The following EXOC6B variants were observed in gnomAD, a reference collection of about 807,000 sequenced individuals.
EXOC6B encodes exocyst complex component 6B, also known as SEC15 homolog B.
EXOC6B carries 54 observed loss-of-function variants against 113.5 expected under a neutral mutation model. That is an observed-to-expected ratio of 0.48 (90% confidence interval 0.38 to 0.60). EXOC6B has a LOEUF of 0.60. EXOC6B is among the 20% of genes least tolerant of loss of function. EXOC6B has a pLI of 0.00. For synonymous variants in EXOC6B, 357 were observed against 339.0 expected (o/e 1.05, Z -0.58); for missense variants, 797 against 977.5 (o/e 0.82, Z 2.46).
intron 18 of EXOC6B, among the ~76,000 whole-genome samples, chr2:72,397,695 A>C (rs1692835858): frequency 6.7e-6 from 1 of 149,098 alleles, no homozygotes; most frequent in South Asian, 2.1e-4. Flanking sequence ...CAAGGCATTG[A>C]ACTTGGTTAT....
At chr2:72,204,281 C>A (rs1679687248) in intron 20 of EXOC6B, among the ~76,000 whole-genome samples, 1 of 152,094 alleles carries the variant, frequency 6.6e-6, no homozygotes, top group African/African-American at 2.4e-5. Context: ...TGTATCAGAG[C>A]AAACACCTCT....
At chr2:72,189,329 T>C (rs1323636660) in intron 20 of EXOC6B, among the ~76,000 whole-genome samples, 1 of 152,208 alleles carries the variant, frequency 6.6e-6, no homozygotes, top group African/African-American at 2.4e-5. Context: ...TCTTGTAAGA[T>C]TCAAGACTGA....
At chr2:72,598,260 T>C (rs1317388417) in intron 6 of EXOC6B, among the ~76,000 whole-genome samples, 1 of 151,630 alleles carries the variant, frequency 6.6e-6, no homozygotes, top group Non-Finnish European at 1.5e-5. Flanking sequence ...GAACAAGAAA[T>C]CAATAACAGA....
chr2:72,620,821 C>A (rs1671699272), intron 6 of EXOC6B, among the ~76,000 whole-genome samples: 1 of 151,816 alleles, frequency 6.6e-6, no homozygotes, highest in Admixed American at 6.6e-5. Flanking sequence ...AGACAAATAA[C>A]CCGATTAAAA....
chr2:72,314,930 C>T (rs1687422676), intron 20 of EXOC6B, among the ~76,000 whole-genome samples: 1 of 152,030 alleles, frequency 6.6e-6, no homozygotes, highest in African/African-American at 2.4e-5. Context: ...TGCAAAATTC[C>T]TACACTTATG....
At chr2:72,549,511 A>T (rs1454695772) in intron 8 of EXOC6B, among the ~76,000 whole-genome samples, 1 of 152,200 alleles carries the variant, frequency 6.6e-6, no homozygotes, top group African/African-American at 2.4e-5. Context: ...CTGGCTGGTG[A>T]CTACATAGAT....
chr2:72,186,120 C>A (rs1678418229), intron 20 of EXOC6B, among the ~76,000 whole-genome samples: 2 of 152,112 alleles, frequency 1.3e-5, no homozygotes, highest in Admixed American at 1.3e-4. Flanking sequence ...GTATATGTGC[C>A]ACATTTTCTT....
At chr2:72,626,472 G>A (rs976623296) in intron 6 of EXOC6B, among the ~76,000 whole-genome samples, 2 of 152,074 alleles carry the variant, frequency 1.3e-5, no homozygotes, top group African/African-American at 2.4e-5. Context: ...GATGATTTTG[G>A]AGTCCTTTCA....
intron 1 of EXOC6B, among the ~76,000 whole-genome samples, chr2:72,785,382 G>A (rs191601244): frequency 6.6e-6 from 1 of 152,380 alleles, no homozygotes; most frequent in East Asian, 1.9e-4. Context: ...GGGACTCTGT[G>A]TGGGGGGCTC....
At chr2:72,518,051 A>G (rs1198812782) in intron 8 of EXOC6B, among the ~76,000 whole-genome samples, 2 of 152,172 alleles carry the variant, frequency 1.3e-5, no homozygotes, top group Non-Finnish European at 2.9e-5. Flanking sequence ...TGTCAACTCA[A>G]TACTTAAAGG....
chr2:72,434,780 T>C (rs1474566998), intron 18 of EXOC6B, among the ~76,000 whole-genome samples: 4 of 152,174 alleles, frequency 2.6e-5, no homozygotes, highest in Admixed American at 6.5e-5. Flanking sequence ...ATTGTGTCTA[T>C]TTGATTCTTC....
At chr2:72,320,138 CT>C (rs984422530) in intron 20 of EXOC6B, among the ~76,000 whole-genome samples, 4 of 150,154 alleles carry the variant, frequency 2.7e-5, no homozygotes, top group Non-Finnish European at 5.9e-5. Context: ...CCCAGCCAAG[CT>C]TTTTTTTCTT....
At chr2:72,539,587 T>G (rs1379434134) in intron 8 of EXOC6B, among the ~76,000 whole-genome samples, 4 of 152,186 alleles carry the variant, frequency 2.6e-5, no homozygotes, top group African/African-American at 7.2e-5. Context: ...GGATGATGTT[T>G]GCTGGCTTTC....
At chr2:72,193,304 T>C (rs1481804860) in intron 20 of EXOC6B, among the ~76,000 whole-genome samples, 1 of 152,124 alleles carries the variant, frequency 6.6e-6, no homozygotes, top group African/African-American at 2.4e-5. Flanking sequence ...AAGCATAGAA[T>C]TGACCAATGA....
At chr2:72,249,905 A>G (rs1347596376) in intron 20 of EXOC6B, among the ~76,000 whole-genome samples, 1 of 152,208 alleles carries the variant, frequency 6.6e-6, no homozygotes, top group Non-Finnish European at 1.5e-5. Context: ...TCAACTTAAT[A>G]TAATAGCTTT....
chr2:72,483,549 T>C (rs1453249941), intron 16 of EXOC6B, among the ~76,000 whole-genome samples: 1 of 152,238 alleles, frequency 6.6e-6, no homozygotes. Context: ...AAAAGATCAC[T>C]GTGAATTACA....
In EXOC6B at chr2:72,179,421, A is replaced by T; in HGVS notation, c.2350T>A (p.Phe784Ile). 1 of 1,613,842 alleles carries T rather than the reference A, an allele frequency of 6.2e-7. No homozygotes were observed. Among genetic ancestry groups the T allele is most frequent in the Non-Finnish European group, 8.5e-7 (1 of 1,179,850 alleles). ...TGCTTGTCTCGCTCATTTTTCCGAA[A>T]CTGTGCAAACATGTTGTTCTTGCGG... ...TSRKNNMFAQ[F>I]RKNERDKQKL... is the part of the protein sequence containing the mutation. Residue 784 changes from phenylalanine to isoleucine, a missense_variant, in exon 22 of 22, where the codon TTT (phenylalanine) becomes ATT (isoleucine). Physicochemically the swap from Phe to Ile is conservative, Grantham distance 21. Transcript: ENST00000272427.
intron 18 of EXOC6B, chr2:72,464,801 T>G (rs1260413407): frequency 4.3e-6 from 1 of 232,576 alleles, no homozygotes; most frequent in African/African-American, 2.2e-5. Context: ...TCAGTTTATA[T>G]AAAAAAGTTA....
intron 2 of EXOC6B, among the ~76,000 whole-genome samples, chr2:72,740,980 T>C (rs936448571): frequency 2.0e-5 from 3 of 151,834 alleles, no homozygotes; most frequent in Admixed American, 6.6e-5. Context: ...GGTGGGCGCC[T>C]GTAGTCCCAG....
Sources: gnomAD v4.1 joint callset for allele counts (sites outside exome capture counted in the v4.1 genomes callset) on GRCh38, gnomAD v4.1.1 for gene constraint, MANE v1.5 for transcripts, NCBI Gene and HGNC (gene_info 2026-07-23, HGNC 2026-07-21) for gene names.